The following EYS variants were observed in gnomAD, a reference collection of about 807,000 sequenced individuals.
EYS encodes protein eyes shut homolog.
Under a neutral mutation model 282.1 loss-of-function variants are expected in EYS, and 250 were observed. The ratio of observed to expected loss-of-function variants is 0.89; its 90% CI spans 0.80 to 0.98. The LOEUF (loss-of-function observed/expected upper bound fraction) is 0.98. EYS is among the 50% of genes least tolerant of loss of function. The pLI is 0.00. For missense variants in EYS, 4,016 were observed against 3,709.0 expected (o/e 1.08, Z -2.15); for synonymous variants, 1,355 against 1,282.9 (o/e 1.06, Z -1.20).
At chr6:65,120,917 A>C (rs576323245) in intron 12 of EYS, among the ~76,000 whole-genome samples, 3 of 152,274 alleles carry the variant, frequency 2.0e-5, no homozygotes, top group East Asian at 3.9e-4. Flanking sequence ...ACAAGAAACA[A>C]GACTACATTT....
At chr6:64,148,984 A>G (rs1774614011) in intron 31 of EYS, among the ~76,000 whole-genome samples, 1 of 152,242 alleles carries the variant, frequency 6.6e-6, no homozygotes, top group Non-Finnish European at 1.5e-5. Context: ...TAGAATTCAT[A>G]AATGACAACT....
intron 11 of EYS, chr6:65,331,110 T>G: frequency 1.0e-6 from 1 of 981,950 alleles, no homozygotes; most frequent in Non-Finnish European, 1.2e-6. Context: ...TAGTCTTCCT[T>G]TTCAAAGATG....
At chr6:64,431,474 C>T (rs1022750192) in intron 28 of EYS, among the ~76,000 whole-genome samples, 4 of 152,036 alleles carry the variant, frequency 2.6e-5, no homozygotes, top group Non-Finnish European at 5.9e-5. Context: ...TAATTTAATC[C>T]ACACAGGTAA....
At chr6:65,298,927 C>T (rs370633098) in intron 11 of EYS, among the ~76,000 whole-genome samples, 6 of 152,052 alleles carry the variant, frequency 3.9e-5, no homozygotes, top group African/African-American at 9.6e-5. Flanking sequence ...AGTTACTATG[C>T]GTTTTAATTT....
intron 31 of EYS, among the ~76,000 whole-genome samples, chr6:64,151,379 TGAGATG>T (rs1444878950): frequency 1.5e-5 from 2 of 135,962 alleles, no homozygotes; most frequent in Non-Finnish European, 3.1e-5. Context: ...TTTTTTCTTT[TGAGATG>T]GAGTCTCGCT....
intron 31 of EYS, among the ~76,000 whole-genome samples, chr6:64,163,030 G>A (rs886218365): frequency 1.3e-5 from 2 of 152,048 alleles, no homozygotes; most frequent in African/African-American, 2.4e-5. Context: ...TCTTCAAGGA[G>A]CTTACAGTTA....
intron 31 of EYS, among the ~76,000 whole-genome samples, chr6:64,160,235 A>G (rs1049759591): frequency 2.0e-5 from 3 of 152,206 alleles, no homozygotes; most frequent in Non-Finnish European, 4.4e-5. Flanking sequence ...TTTAAATTGA[A>G]CAGTACCTAA....
intron 29 of EYS, among the ~76,000 whole-genome samples, chr6:64,322,752 T>C (rs1367619860): frequency 1.3e-5 from 2 of 152,082 alleles, no homozygotes; most frequent in Non-Finnish European, 2.9e-5. Context: ...CAGCAAGGTT[T>C]CAAAGCAGCC....
At chr6:65,224,882 G>T (rs149112115) in intron 12 of EYS, among the ~76,000 whole-genome samples, 1,746 of 152,186 alleles carry the variant, frequency 0.011, 15 homozygotes, top group Admixed American at 0.019. Context: ...TGCAAAATCT[G>T]TCCGGACTTA....
intron 7 of EYS, among the ~76,000 whole-genome samples, chr6:65,395,921 T>C (rs528976774): frequency 6.6e-6 from 1 of 152,308 alleles, no homozygotes; most frequent in African/African-American, 2.4e-5. Flanking sequence ...CTTTTAAAAA[T>C]TTTACATATT....
intron 16 of EYS, among the ~76,000 whole-genome samples, chr6:64,904,846 A>C (rs1223804991): frequency 2.0e-5 from 3 of 152,136 alleles, no homozygotes; most frequent in Non-Finnish European, 4.4e-5. Context: ...TAAGTTTGAC[A>C]TTTCTGAGAT....
At chr6:65,498,829 T>C (rs1296553338) in intron 2 of EYS, among the ~76,000 whole-genome samples, 1 of 152,032 alleles carries the variant, frequency 6.6e-6, no homozygotes, top group Non-Finnish European at 1.5e-5. Context: ...TCTCAGTTTT[T>C]CATTTATAAA....
intron 9 of EYS, among the ~76,000 whole-genome samples, chr6:65,345,159 A>G (rs573078479): frequency 2.0e-5 from 3 of 151,932 alleles, no homozygotes; most frequent in African/African-American, 7.2e-5. Flanking sequence ...AGAAGGAGCT[A>G]GGAACCAAGC....
At chr6:65,472,683 G>C (rs956584130) in intron 5 of EYS, among the ~76,000 whole-genome samples, 1 of 151,974 alleles carries the variant, frequency 6.6e-6, no homozygotes, top group African/African-American at 2.4e-5. Context: ...AGTTCAAAGA[G>C]AGGAAGTCAA....
At chr6:65,056,249 G>T (rs140448407) in intron 13 of EYS, among the ~76,000 whole-genome samples, 1 of 151,590 alleles carries the variant, frequency 6.6e-6, no homozygotes, top group African/African-American at 2.4e-5. Context: ...ACATTTTCTG[G>T]CATTACAATA....
intron 35 of EYS, among the ~76,000 whole-genome samples, chr6:63,874,217 A>T (rs1460948808): frequency 6.6e-6 from 1 of 152,214 alleles, no homozygotes; most frequent in Non-Finnish European, 1.5e-5. Context: ...ACATATGGCT[A>T]GCCAGTTTTC....
At chr6:64,458,746 T>C (rs561698109) in intron 26 of EYS, among the ~76,000 whole-genome samples, 2 of 152,324 alleles carry the variant, frequency 1.3e-5, no homozygotes, top group South Asian at 4.1e-4. Context: ...TGGAAAGTAC[T>C]ACTGTATCAT....
intron 22 of EYS, among the ~76,000 whole-genome samples, chr6:64,802,050 T>TTTTA: frequency 6.9e-6 from 1 of 144,190 alleles, no homozygotes; most frequent in African/African-American, 2.6e-5. Flanking sequence ...TTTTTTTTTT[T>TTTTA]TGAGACGGAG....
chr6:65,394,672 T>C (rs1055559299), intron 7 of EYS, among the ~76,000 whole-genome samples: 3 of 152,146 alleles, frequency 2.0e-5, no homozygotes, highest in East Asian at 1.9e-4. Context: ...CTTTTTACCA[T>C]TACCTCAGAT....
Sources: gnomAD v4.1 joint callset for allele counts (sites outside exome capture counted in the v4.1 genomes callset) on GRCh38, gnomAD v4.1.1 for gene constraint, MANE v1.5 for transcripts, NCBI Gene and HGNC (gene_info 2026-07-23, HGNC 2026-07-21) for gene names.